CFDP1: variants seen among roughly 807,000 people sequenced by gnomAD.
CFDP1 encodes the protein chromatin remodeling protein CFDP1.
Under a neutral mutation model 40.1 loss-of-function variants are expected in CFDP1, and 31 were observed. The ratio of observed to expected loss-of-function variants is 0.77; its 90% CI spans 0.58 to 1.04. The LOEUF is 1.04. CFDP1 is among the 50% of genes least tolerant of loss of function. The probability of loss-of-function intolerance (pLI) is 0.00; values close to 1 mark genes in which losing one functional copy is unlikely to be tolerated. For synonymous variants in CFDP1, 167 were observed against 120.0 expected (o/e 1.39, Z -2.56); for missense variants, 423 against 343.4 (o/e 1.23, Z -1.83).
chr16:75,391,362 A>G (rs911382478), intron 5 of CFDP1: 3 of 152,246 alleles, frequency 2.0e-5, no homozygotes, highest in African/African-American at 7.2e-5. Context: ...AGAAACACTA[A>G]TAATACCACA....
At chr16:75,417,178 A>C (rs1330463857) in intron 1 of CFDP1, among the ~76,000 whole-genome samples, 1 of 152,142 alleles carries the variant, frequency 6.6e-6, no homozygotes, top group Non-Finnish European at 1.5e-5. Context: ...CAAAAACAAA[A>C]ACAAAAACAA....
chr16:75,376,436 A>G (rs575026885), intron 5 of CFDP1, among the ~76,000 whole-genome samples: 81 of 152,312 alleles, frequency 5.3e-4, no homozygotes, highest in African/African-American at 1.7e-3. Flanking sequence ...CAGCAACATG[A>G]TAAGTCTCAA....
rs146862329 is a variant in CFDP1, at chr16:75,344,160, T to C, written c.651-38978A>G. The stretch of plus-strand genomic sequence containing the variant: ...GATGAAAGTAACTAACTTTTGGCAG[T>C]AGTGCATAAATTCTGAAGCTGATGA... On this transcript the variant is annotated intron_variant, in intron 5 of 6. Transcript: ENST00000283882. 3.5e-3 allele frequency among the ~76,000 whole-genome samples: 535 copies of C among 152,356 alleles called. 2 individuals are homozygous for C. Among genetic ancestry groups the C allele is most frequent in the African/African-American group, 0.012 (492 of 41,580 alleles).
At chr16:75,327,549 T>C (rs1415824974) in intron 5 of CFDP1, among the ~76,000 whole-genome samples, 1 of 151,804 alleles carries the variant, frequency 6.6e-6, no homozygotes, top group African/African-American at 2.4e-5. Flanking sequence ...GTAGAAAGAG[T>C]ATTCAGAAGG....
chr16:75,426,574 G>A (rs1240922576), intron 1 of CFDP1, among the ~76,000 whole-genome samples: 1 of 152,008 alleles, frequency 6.6e-6, no homozygotes, highest in Non-Finnish European at 1.5e-5. Context: ...TACTACAGAG[G>A]CTGAGGCAGG....
At chr16:75,346,628 G>C (rs1408229293) in intron 5 of CFDP1, among the ~76,000 whole-genome samples, 1 of 136,524 alleles carries the variant, frequency 7.3e-6, no homozygotes, top group African/African-American at 2.7e-5. Context: ...GTACCAGGTG[G>C]ACAGGATGAA....
rs1167003522 is a variant in CFDP1, at chr16:75,412,572, C to T, written c.365G>A (p.Gly122Glu). 6.2e-7 allele frequency: 1 copy of T among 1,614,138 alleles called. No individual in the cohort carries two copies. The highest frequency in any genetic ancestry group is 2.2e-5 in the East Asian group (1 of 44,876). The change falls in exon 3 of 7, where the codon GGA becomes GAA. Residue 122 changes from glycine to glutamate, a missense_variant. Gly to Glu is a moderately conservative substitution (Grantham distance 98, BLOSUM62 -2). Transcript: ENST00000283882. ...ELWASFLNDVGPKSKVPPSTQ... is the reference protein window; with the variant it reads ...ELWASFLNDVEPKSKVPPSTQ... ...ACTTGGGGGCACTTTTGATTTTGGT[C>T]CCACATCATTGAGGAAGCTGGCCCA...
rs778738146 is a variant in CFDP1, at chr16:75,395,212, G to C, written c.531-3C>G. On this transcript the variant is annotated splice_region_variant and splice_polypyrimidine_tract_variant and intron_variant, in intron 4 of 6. Coordinates refer to ENST00000283882, the MANE Select transcript of CFDP1 (RefSeq NM_006324.3). Reference sequence around the variant, plus strand: ...TAGCATCCACTTCCTTAGTTACCCTGTGCCAAGGAAAAAGACATCAAGCTT... The same window carrying C: ...TAGCATCCACTTCCTTAGTTACCCTCTGCCAAGGAAAAAGACATCAAGCTT... The C allele has an allele frequency of 1.2e-6, 2 of 1,612,598 alleles. No individual in the cohort carries two copies. The highest frequency in any genetic ancestry group is 1.7e-6 in the Non-Finnish European group (2 of 1,179,198).
intron 1 of CFDP1, among the ~76,000 whole-genome samples, chr16:75,423,885 C>G (rs917031266): frequency 1.1e-4 from 16 of 152,108 alleles, no homozygotes; most frequent in African/African-American, 3.9e-4. Context: ...TATTTTCTAT[C>G]TGCAGTTGGT....
At chr16:75,417,996 G>C (rs1343795444) in intron 1 of CFDP1, among the ~76,000 whole-genome samples, 1 of 152,092 alleles carries the variant, frequency 6.6e-6, no homozygotes, top group Non-Finnish European at 1.5e-5. Flanking sequence ...GCTCATGTCT[G>C]TAATCCCAGC....
chr16:75,344,002 A>G (rs1255784616), intron 5 of CFDP1, among the ~76,000 whole-genome samples: 1 of 152,214 alleles, frequency 6.6e-6, no homozygotes, highest in African/African-American at 2.4e-5. Context: ...TCTAGCAGGA[A>G]ACAGTTTCCC....
intron 5 of CFDP1, among the ~76,000 whole-genome samples, chr16:75,392,231 C>T (rs2078958393): frequency 1.3e-5 from 2 of 151,854 alleles, no homozygotes; most frequent in African/African-American, 4.8e-5. Context: ...TAGTGAAACC[C>T]CATCTCTACT....
At chr16:75,323,148 G>GA (rs1255942689) in intron 5 of CFDP1, among the ~76,000 whole-genome samples, 5 of 151,156 alleles carry the variant, frequency 3.3e-5, no homozygotes, top group Admixed American at 3.3e-4. Flanking sequence ...CACAGCTGTA[G>GA]AAAAACTTTC....
chr16:75,369,096 T>TA (rs1471214758), intron 5 of CFDP1, among the ~76,000 whole-genome samples: 1 of 152,130 alleles, frequency 6.6e-6, no homozygotes, highest in East Asian at 1.9e-4. Context: ...AATAGGCACA[T>TA]CAGAAATGTA....
intron 5 of CFDP1, among the ~76,000 whole-genome samples, chr16:75,349,119 T>A (rs2078590062): frequency 6.6e-6 from 1 of 152,162 alleles, no homozygotes. Context: ...TTCAGCCTCT[T>A]AAAGCCTCCC....
rs186275222 is a variant in CFDP1, at chr16:75,312,061, G to A, written c.651-6879C>T. On this transcript the variant is annotated intron_variant, in intron 5 of 6. Transcript: ENST00000283882. ...TGTCTTGAACCAACGTTTCTCTTTCGCATTTTCTCTGGAGTTAGCTAAAAT... is the reference window on the plus strand; with the variant it reads ...TGTCTTGAACCAACGTTTCTCTTTCACATTTTCTCTGGAGTTAGCTAAAAT... Among the ~76,000 whole-genome samples, 63 of 152,170 alleles carry A rather than the reference G, an allele frequency of 4.1e-4. 1 individual carries two copies. Among genetic ancestry groups the A allele is most frequent in the Middle Eastern group, 3.4e-3 (1 of 294 alleles).
In CFDP1 at chr16:75,414,822, T is replaced by C. The variant is rs577420843; in HGVS notation, c.65-127A>G. ...AGAAAAAGTGAATTTTCCCCTACTC[T>C]TCACCTAACGAAAACATCATTTCCT... On this transcript the variant is annotated intron_variant, in intron 1 of 6. Coordinates refer to ENST00000283882, the MANE Select transcript of CFDP1 (RefSeq NM_006324.3). 1.5e-5 allele frequency: 10 copies of C among 648,266 alleles called. No individual in the cohort carries two copies. In the African/African-American group the frequency reaches 1.6e-4, roughly 11 times the overall value. The allele number at this position is 648,266 out of a possible 1,614,324, so 40.2% of individuals were successfully genotyped here.
At chr16:75,369,512 C>T (rs1035502465) in intron 5 of CFDP1, among the ~76,000 whole-genome samples, 1 of 152,186 alleles carries the variant, frequency 6.6e-6, no homozygotes, top group Admixed American at 6.5e-5. Flanking sequence ...CATGGCTTCG[C>T]AGTAGGTTGC....
chr16:75,303,658 G>A (rs2078238804), intron 6 of CFDP1, among the ~76,000 whole-genome samples: 2 of 152,048 alleles, frequency 1.3e-5, no homozygotes, highest in Non-Finnish European at 2.9e-5. Context: ...GTGAGACCCT[G>A]TCTCTTAAAA....
Sources: gnomAD v4.1 joint callset for allele counts (sites outside exome capture counted in the v4.1 genomes callset) on GRCh38, gnomAD v4.1.1 for gene constraint, MANE v1.5 for transcripts, NCBI Gene and HGNC (gene_info 2026-07-23, HGNC 2026-07-21) for gene names.